The following SMARCA2 variants were observed in gnomAD, a reference collection of about 807,000 sequenced individuals.
SMARCA2 encodes the protein SWI/SNF related BAF chromatin remodeling complex subunit ATPase 2.
A neutral mutation model predicts 199.8 loss-of-function variants in SMARCA2; 61 were observed. That is an observed-to-expected ratio of 0.31 (90% CI 0.25 to 0.38). The LOEUF is 0.38. Ranked by LOEUF, SMARCA2 falls within the 10% of genes least tolerant of loss-of-function variation. SMARCA2 has a pLI of 1.00. For missense variants in SMARCA2, 1,344 were observed against 2,012.2 expected, an observed-to-expected ratio of 0.67 and a Z score of 6.35; for synonymous variants, 935 against 732.0, an observed-to-expected ratio of 1.28 and a Z score of -4.48.
chr9:2,050,075 C>T (rs756076999), intron 5 of SMARCA2, among the ~76,000 whole-genome samples: 3 of 152,110 alleles, frequency 2.0e-5, no homozygotes, highest in African/African-American at 4.8e-5. Flanking sequence ...ATTTTTTTAA[C>T]GTTTAAGTCA....
chr9:2,071,787 C>G (rs1821099853), intron 10 of SMARCA2, among the ~76,000 whole-genome samples: 1 of 152,164 alleles, frequency 6.6e-6, no homozygotes, highest in Non-Finnish European at 1.5e-5. Flanking sequence ...TTCATGATAA[C>G]AGAATATGAT....
rs919872403 is a variant in SMARCA2, at chr9:2,087,244, C to G, written c.2769+173C>G. 5.5e-6 allele frequency: 4 copies of G among 732,400 alleles called. No individual in the cohort carries two copies. The Admixed American group carries it at 1.1e-4, about 21-fold the overall frequency. 45.4% of individuals were successfully genotyped at this position (732,400 alleles called of 1,614,324 possible). ...TCTTGTGGTGGGGTTATTTTCCCCTCCTAGGAAAATGGATCTAGTGGTACA... is the reference window on the plus strand; with the variant it reads ...TCTTGTGGTGGGGTTATTTTCCCCTGCTAGGAAAATGGATCTAGTGGTACA... On this transcript the variant is annotated intron_variant, in intron 18 of 33. Transcript: ENST00000349721.
At chr9:2,083,153 T>C (rs1275694255) in intron 15 of SMARCA2, among the ~76,000 whole-genome samples, 194 bp from the exon 16 acceptor site, 1 of 152,218 alleles carries the variant, frequency 6.6e-6, no homozygotes, top group Non-Finnish European at 1.5e-5. Flanking sequence ...AACCACAAAC[T>C]TGTCATGTTT....
At chr9:2,047,564 C>A in intron 5 of SMARCA2, 80 bp downstream of exon 5, 1 of 1,205,042 alleles carries the variant, frequency 8.3e-7, no homozygotes, top group East Asian at 3.5e-5. Context: ...AGGCGCCTGC[C>A]TCCTTGGTTG....
chr9:2,135,050 G>C (rs898897006), intron 27 of SMARCA2, among the ~76,000 whole-genome samples: 2 of 152,248 alleles, frequency 1.3e-5, no homozygotes, highest in Non-Finnish European at 2.9e-5. Context: ...GAAATCCCAT[G>C]AGATGCCACC....
At chr9:2,122,617 G>A (rs186733930) in intron 26 of SMARCA2, among the ~76,000 whole-genome samples, 4 of 152,314 alleles carry the variant, frequency 2.6e-5, no homozygotes, top group African/African-American at 7.2e-5. Flanking sequence ...AGTATAAAGA[G>A]CTTTGACCAC....
intron 5 of SMARCA2, among the ~76,000 whole-genome samples, chr9:2,050,417 C>G (rs538322181): frequency 2.0e-5 from 3 of 151,476 alleles, no homozygotes; most frequent in African/African-American, 7.3e-5. Flanking sequence ...GATGTCTGAT[C>G]AAAAGTACCT....
At chr9:2,116,385 C>G (rs534744366) in intron 25 of SMARCA2, among the ~76,000 whole-genome samples, 1 of 152,142 alleles carries the variant, frequency 6.6e-6, no homozygotes, top group Non-Finnish European at 1.5e-5. Context: ...CAAAATCAGC[C>G]GGACGAGACA....
chr9:2,160,025 T>C (rs1825581635), intron 27 of SMARCA2: 1 of 1,412,556 alleles, frequency 7.1e-7, no homozygotes, highest in African/African-American at 1.4e-5. Context: ...TGCAACTGGG[T>C]GCTTGAGGAG....
Position 2,088,523 on chromosome 9 carries a change from T to A in SMARCA2, c.2793T>A (p.Thr931=). ...AGGTGGACTTAAATGAAGAAGAAAC[T>A]ATATTGATCATCAGGCGTCTACATA... ...GERVDLNEEE[T]ILIIRRLHKV... Residue 931 remains threonine, a synonymous_variant, in exon 19 of 34, where the codon ACT becomes ACA. Transcript: ENST00000349721. 6.3e-7 allele frequency: 1 copy of A among 1,583,892 alleles called. No homozygotes were observed.
intron 22 of SMARCA2, 74 bp from the exon 23 acceptor site, chr9:2,103,929 G>A: frequency 1.5e-6 from 2 of 1,334,338 alleles, no homozygotes; most frequent in African/African-American, 2.9e-5. Flanking sequence ...TATATGAAAA[G>A]CAAAGCAATG....
Position 2,077,662 on chromosome 9 carries a change from C to G in SMARCA2, c.2070C>G (p.Ser690Arg), listed in dbSNP as rs1298685112. 1.9e-6 allele frequency: 3 copies of G among 1,613,844 alleles called. No individual in the cohort carries two copies. Among genetic ancestry groups the G allele is most frequent in the Non-Finnish European group, 2.5e-6 (3 of 1,179,874 alleles). ...TAKQDVDDEYSMQYSARGSQS... is the reference protein window; with the variant it reads ...TAKQDVDDEYRMQYSARGSQS... ...AGCAAGACGTGGATGATGAATACAG[C>G]ATGCAGTACAGTGCCAGGGGCTCCC... Residue 690 changes from serine to arginine, a missense_variant, in exon 14 of 34, where the codon AGC (serine) becomes AGG (arginine). Around this residue, in one of 18 missense-constraint regions of SMARCA2, gnomAD observed 106 missense variants for 179.7 expected, o/e 0.59. Transcript: ENST00000349721.
intron 27 of SMARCA2, among the ~76,000 whole-genome samples, chr9:2,126,498 A>G (rs1823703739): frequency 6.6e-6 from 1 of 152,196 alleles, no homozygotes; most frequent in Non-Finnish European, 1.5e-5. Flanking sequence ...AGCTTTTTTG[A>G]TGATGAAATG....
chr9:2,118,256 A>G (rs1158453811), intron 25 of SMARCA2, among the ~76,000 whole-genome samples: 2 of 152,210 alleles, frequency 1.3e-5, no homozygotes, highest in Non-Finnish European at 2.9e-5. Context: ...ATGAAATGTA[A>G]TATTTAGACA....
rs1480889343 is a variant in SMARCA2 at position 2,182,104 on chromosome 9, C to T, written c.4360-37C>T. The T allele has an allele frequency of 5.3e-6, 7 of 1,315,196 alleles. No homozygotes were observed. The Admixed American group carries it at 6.8e-5, about 13-fold the overall frequency. The allele number at this position is 1,315,196 out of a possible 1,614,324, so 81.5% of individuals were successfully genotyped here. ...TAATGATCGCTGAATTTTCCTCTCC[C>T]TCTTTTTTTCTCCATTTTCTCCAAA... On this transcript the variant is annotated intron_variant, in intron 30 of 33. Coordinates refer to ENST00000349721, the MANE Select transcript of SMARCA2 (RefSeq NM_003070.5).
At chr9:2,111,550 T>C (rs1317108863) in intron 24 of SMARCA2, among the ~76,000 whole-genome samples, 1 of 150,070 alleles carries the variant, frequency 6.7e-6, no homozygotes, top group Non-Finnish European at 1.5e-5. Flanking sequence ...CGTAGGAGTA[T>C]GAATTCTACA....
intron 27 of SMARCA2, among the ~76,000 whole-genome samples, chr9:2,124,302 G>A (rs868473229): frequency 6.6e-6 from 1 of 152,210 alleles, no homozygotes; most frequent in African/African-American, 2.4e-5. Flanking sequence ...ATGTGGAAGG[G>A]CACCTTAGAG....
chr9:2,058,162 C>T, intron 7 of SMARCA2, 129 bp from the exon 8 acceptor site: 1 of 800,528 alleles, frequency 1.2e-6, no homozygotes, highest in South Asian at 1.6e-5. Context: ...GCACCTATCC[C>T]CAAACAGATT....
At chr9:2,082,590 G>A (rs1212380153) in intron 15 of SMARCA2, among the ~76,000 whole-genome samples, 1 of 152,176 alleles carries the variant, frequency 6.6e-6, no homozygotes, top group Non-Finnish European at 1.5e-5. Context: ...TCCTAAGTGG[G>A]CACTACCGAG....
Sources: gnomAD v4.1 joint callset for allele counts (sites outside exome capture counted in the v4.1 genomes callset) on GRCh38, gnomAD v4.1.1 for gene constraint, gnomAD v4.1.1 regional missense constraint, MANE v1.5 for transcripts, NCBI Gene and HGNC (gene_info 2026-07-23, HGNC 2026-07-21) for gene names.